The following PAPPA2 variants were observed in gnomAD, a reference collection of about 807,000 sequenced individuals.
PAPPA2 encodes pappalysin-2.
A neutral mutation model predicts 176.4 loss-of-function variants in PAPPA2; 86 were observed. The observed-to-expected ratio is 0.49, with a 90% CI of 0.41 to 0.58. The LOEUF (loss-of-function observed/expected upper bound fraction) is 0.58. Among genes scored for constraint, PAPPA2 ranks in the 20% least tolerant of loss-of-function variants. The pLI is 0.00. For missense variants in PAPPA2, 2,073 were observed against 2,256.9 expected, an observed-to-expected ratio of 0.92 and a Z score of 1.65; for synonymous variants, 809 against 852.2, an observed-to-expected ratio of 0.95 and a Z score of 0.88.
chr1:176,472,720 T>C (rs1355254204), intron 1 of PAPPA2, among the ~76,000 whole-genome samples: 1 of 152,120 alleles, frequency 6.6e-6, no homozygotes, highest in African/African-American at 2.4e-5. Flanking sequence ...AACTTTTGTG[T>C]GATAGGTTTT....
At chr1:176,840,128 C>A (rs1377339494) in intron 21 of PAPPA2, 45 bp from the exon 22 acceptor site, 1 of 1,459,654 alleles carries the variant, frequency 6.9e-7, no homozygotes, top group Non-Finnish European at 9.6e-7. Context: ...TCAAACAAGA[C>A]ATAATAAGGC....
chr1:176,799,429 G>A (rs922984190), intron 20 of PAPPA2, among the ~76,000 whole-genome samples: 2 of 152,168 alleles, frequency 1.3e-5, no homozygotes, highest in African/African-American at 2.4e-5. Context: ...TGATGTTGGT[G>A]TCATTTTGAG....
chr1:176,533,960 T>A (rs1376735561), intron 1 of PAPPA2, among the ~76,000 whole-genome samples: 1 of 152,226 alleles, frequency 6.6e-6, no homozygotes, highest in Non-Finnish European at 1.5e-5. Flanking sequence ...TTAGCTCATA[T>A]AAAAGAATGT....
chr1:176,597,957 TACTC>T (rs1482134464), intron 3 of PAPPA2, among the ~76,000 whole-genome samples: 6 of 152,292 alleles, frequency 3.9e-5, no homozygotes, highest in Non-Finnish European at 5.9e-5. Context: ...GTTTATAACT[TACTC>T]ACCTCACTGC....
At chr1:176,710,734 C>A (rs1016725720) in intron 11 of PAPPA2, among the ~76,000 whole-genome samples, 1 of 152,152 alleles carries the variant, frequency 6.6e-6, no homozygotes, top group Non-Finnish European at 1.5e-5. Context: ...ATAGGCAATA[C>A]AGCCCTTTCA....
chr1:176,655,382 G>A (rs1657974897), intron 3 of PAPPA2, among the ~76,000 whole-genome samples: 1 of 151,484 alleles, frequency 6.6e-6, no homozygotes, highest in African/African-American at 2.4e-5. Flanking sequence ...CATCTGACAG[G>A]GAACTAACAT....
In PAPPA2 at chr1:176,699,341, G is replaced by A; in HGVS notation, c.2988G>A (p.Leu996=). The change falls in exon 8 of 23, where the codon CTG becomes CTA. Residue 996 remains leucine (L), a synonymous_variant. Coordinates refer to ENST00000367662, the MANE Select transcript of PAPPA2 (RefSeq NM_020318.3). The stretch of plus-strand genomic sequence containing the variant: ...TGGAAAACAAGGAGTCAGTGCACCT[G>A]GGCCCCTTAGACACTTTCTGTGACA... ...ILLENKESVH[L]GPLDTFCDIP... is the part of the protein sequence containing the mutation. 8.7e-6 allele frequency: 14 copies of A among 1,614,140 alleles called. No individual in the cohort carries two copies. The highest frequency in any genetic ancestry group is 1.2e-5 in the Non-Finnish European group (14 of 1,180,014).
At chr1:176,841,876 G>A (rs1667502177) in intron 22 of PAPPA2, among the ~76,000 whole-genome samples, 1 of 152,148 alleles carries the variant, frequency 6.6e-6, no homozygotes. Flanking sequence ...GTGCTAGTCT[G>A]TAGCTAGTCT....
At chr1:176,689,656 G>A (rs564845891) in intron 4 of PAPPA2, among the ~76,000 whole-genome samples, 1 of 152,326 alleles carries the variant, frequency 6.6e-6, no homozygotes, top group African/African-American at 2.4e-5. Context: ...AAGCTGGGAT[G>A]TGGAGGGGCA....
chr1:176,782,183 A>T (rs774182020), intron 17 of PAPPA2, among the ~76,000 whole-genome samples: 2 of 152,208 alleles, frequency 1.3e-5, no homozygotes, highest in African/African-American at 2.4e-5. Context: ...CCAATTAGAT[A>T]ACCCCAGGCA....
intron 6 of PAPPA2, among the ~76,000 whole-genome samples, chr1:176,693,199 A>C (rs980746428): frequency 6.6e-6 from 1 of 152,178 alleles, no homozygotes; most frequent in Admixed American, 6.5e-5. Context: ...CTGAATGACG[A>C]CAGTCCCTGA....
At chr1:176,578,689 A>G (rs1652791588) in intron 2 of PAPPA2, among the ~76,000 whole-genome samples, 1 of 152,198 alleles carries the variant, frequency 6.6e-6, no homozygotes, top group Admixed American at 6.5e-5. Flanking sequence ...AACTTAAGGT[A>G]AGTTTTGAAG....
intron 3 of PAPPA2, among the ~76,000 whole-genome samples, chr1:176,608,157 A>C (rs1465739436): frequency 3.3e-5 from 5 of 152,204 alleles, no homozygotes; most frequent in African/African-American, 1.2e-4. Flanking sequence ...ATGGGAATCT[A>C]CAGTTTATTT....
In PAPPA2 at chr1:176,556,932, A is replaced by C. The variant is rs1651341617; in HGVS notation, c.610A>C (p.Arg204=). The change falls in exon 2 of 23, where the codon AGG becomes CGG. Residue 204 remains arginine, a synonymous_variant. Coordinates refer to ENST00000367662, the MANE Select transcript of PAPPA2 (RefSeq NM_020318.3). Reference sequence around the variant, plus strand: ...CAGGCAGCGTCGCCAAGTGTGGAAGAGGCGGGCGGAAGATGGGCAGGGAGA... The same window carrying C: ...CAGGCAGCGTCGCCAAGTGTGGAAGCGGCGGGCGGAAGATGGGCAGGGAGA... ...KSRQRRQVWK[R]RAEDGQGDSG... is the part of the protein sequence containing the mutation. 2 of 1,614,108 alleles carry C rather than the reference A, an allele frequency of 1.2e-6. No homozygotes were observed. Among genetic ancestry groups the C allele is most frequent in the Non-Finnish European group, 1.7e-6 (2 of 1,180,020 alleles).
chr1:176,781,625 G>A (rs1416156961), intron 17 of PAPPA2, among the ~76,000 whole-genome samples: 1 of 152,012 alleles, frequency 6.6e-6, no homozygotes, highest in Non-Finnish European at 1.5e-5. Flanking sequence ...AAACTGGCAT[G>A]GGGTTTGGAA....
chr1:176,488,213 T>C (rs1652732655), intron 1 of PAPPA2, among the ~76,000 whole-genome samples: 1 of 152,100 alleles, frequency 6.6e-6, no homozygotes, highest in Non-Finnish European at 1.5e-5. Context: ...AATAAGAGAA[T>C]TGTAGAGCTG....
chr1:176,687,670 G>A (rs986875631), intron 4 of PAPPA2, among the ~76,000 whole-genome samples: 1 of 152,060 alleles, frequency 6.6e-6, no homozygotes, highest in African/African-American at 2.4e-5. Context: ...GGCCTGTCTG[G>A]CCATAGGATG....
At chr1:176,666,993 C>T (rs1053013868) in intron 3 of PAPPA2, among the ~76,000 whole-genome samples, 3 of 152,134 alleles carry the variant, frequency 2.0e-5, no homozygotes, top group Non-Finnish European at 2.9e-5. Flanking sequence ...CGCCTGTAAT[C>T]CCAGCACTTT....
At chr1:176,619,381 A>G (rs995767840) in intron 3 of PAPPA2, among the ~76,000 whole-genome samples, 5 of 152,228 alleles carry the variant, frequency 3.3e-5, no homozygotes, top group Non-Finnish European at 7.3e-5. Context: ...GAGAAAGTGC[A>G]TAAGTTTTAA....
Sources: gnomAD v4.1 joint callset for allele counts (sites outside exome capture counted in the v4.1 genomes callset) on GRCh38, gnomAD v4.1.1 for gene constraint, MANE v1.5 for transcripts, NCBI Gene and HGNC (gene_info 2026-07-23, HGNC 2026-07-21) for gene names.